SPATA17: variants seen among roughly 807,000 people sequenced by gnomAD.
SPATA17 encodes spermatogenesis-associated protein 17.
A neutral mutation model predicts 62.2 loss-of-function variants in SPATA17; 53 were observed. The ratio of observed to expected loss-of-function variants is 0.85; its 90% CI spans 0.68 to 1.07. The LOEUF is 1.07. Ranked by LOEUF, SPATA17 falls within the 50% of genes least tolerant of loss-of-function variation. The pLI, the probability that SPATA17 is intolerant of heterozygous loss-of-function variation, is 0.00. For missense variants in SPATA17, 466 were observed against 425.5 expected, an observed-to-expected ratio of 1.10 and a Z score of -0.84; for synonymous variants, 146 against 146.8, an observed-to-expected ratio of 0.99 and a Z score of 0.04.
chr1:217,717,165 A>G (rs1023137533), intron 5 of SPATA17, among the ~76,000 whole-genome samples: 6 of 152,090 alleles, frequency 3.9e-5, no homozygotes, highest in African/African-American at 7.3e-5. Flanking sequence ...TATTGAGGCT[A>G]GAAAACTAAA....
At chr1:217,784,334 C>T (rs1673803149) in intron 8 of SPATA17, among the ~76,000 whole-genome samples, 1 of 152,032 alleles carries the variant, frequency 6.6e-6, no homozygotes, top group Non-Finnish European at 1.5e-5. Flanking sequence ...CTATCTAGAC[C>T]TAGAAAGGTA....
At chr1:217,853,362 A>G (rs1381380791) in intron 9 of SPATA17, among the ~76,000 whole-genome samples, 1 of 152,212 alleles carries the variant, frequency 6.6e-6, no homozygotes, top group African/African-American at 2.4e-5. Context: ...GTTAGTGTTC[A>G]TAAAGAATTA....
chr1:217,725,697 A>G (rs1313467991), intron 5 of SPATA17, among the ~76,000 whole-genome samples: 1 of 152,176 alleles, frequency 6.6e-6, no homozygotes, highest in African/African-American at 2.4e-5. Context: ...TCCTGACCTC[A>G]AGTGATCGGC....
intron 9 of SPATA17, among the ~76,000 whole-genome samples, chr1:217,858,999 G>T (rs1043528633): frequency 5.9e-5 from 9 of 151,780 alleles, no homozygotes; most frequent in African/African-American, 2.2e-4. Context: ...CTGCACTCCA[G>T]CCTGGGTGAC....
rs139760645 is a variant in SPATA17 at position 217,845,525 on chromosome 1, C to T, written c.1006-17249C>T. 5.8e-3 allele frequency among the ~76,000 whole-genome samples: 889 copies of T among 152,150 alleles called. 7 individuals are homozygous for T. Among genetic ancestry groups the T allele is most frequent in the African/African-American group, 0.02 (840 of 41,536 alleles). ...CACAGAGACCCTGCATGTAGTGAGT[C>T]TCTGTGAGAGTGGGTTGCTTGACCT... is the stretch of plus-strand genomic sequence containing the variant. On this transcript the variant is annotated intron_variant, in intron 9 of 10. Coordinates refer to ENST00000366933, the MANE Select transcript of SPATA17 (RefSeq NM_138796.4).
At chr1:217,795,690 T>C (rs1217552872) in intron 8 of SPATA17, among the ~76,000 whole-genome samples, 1 of 152,078 alleles carries the variant, frequency 6.6e-6, no homozygotes, top group African/African-American at 2.4e-5. Flanking sequence ...ATTGACTTCA[T>C]GGAGCAAATG....
At chr1:217,669,247 C>T (rs562447212) in intron 4 of SPATA17, among the ~76,000 whole-genome samples, 164 bp downstream of exon 4, 1 of 152,148 alleles carries the variant, frequency 6.6e-6, no homozygotes, top group South Asian at 2.1e-4. Context: ...ATAATCTTGG[C>T]AGTATTAAAA....
At chr1:217,683,213 A>G (rs1418495643) in intron 4 of SPATA17, 45 bp from the exon 5 acceptor site, 4 of 1,350,330 alleles carry the variant, frequency 3.0e-6, no homozygotes, top group Non-Finnish European at 4.1e-6. Context: ...CATTTTTAAT[A>G]AAAGTGTTTA....
chr1:217,768,965 A>G (rs1267484962), intron 6 of SPATA17, among the ~76,000 whole-genome samples: 1 of 152,136 alleles, frequency 6.6e-6, no homozygotes, highest in African/African-American at 2.4e-5. Flanking sequence ...CCCGCCACTG[A>G]GAAGAGCTTG....
chr1:217,729,766 TTAAAA>T (rs1672358635), intron 5 of SPATA17, among the ~76,000 whole-genome samples: 1 of 152,208 alleles, frequency 6.6e-6, no homozygotes, highest in African/African-American at 2.4e-5. Flanking sequence ...TGTAATCACT[TTAAAA>T]TATGGAATGA....
At chr1:217,791,003 CT>C (rs1195035131) in intron 8 of SPATA17, among the ~76,000 whole-genome samples, 1 of 152,136 alleles carries the variant, frequency 6.6e-6, no homozygotes, top group Non-Finnish European at 1.5e-5. Flanking sequence ...ATTTTCTGAA[CT>C]ATTACTGTAT....
chr1:217,774,200 C>A, intron 6 of SPATA17, 134 bp from the exon 7 acceptor site: 1 of 676,960 alleles, frequency 1.5e-6, no homozygotes, highest in Non-Finnish European at 2.4e-6. Flanking sequence ...AATCTGAAGT[C>A]CACCTCTGGT....
chr1:217,633,925 T>A (rs187207706), intron 1 of SPATA17, among the ~76,000 whole-genome samples: 2 of 152,312 alleles, frequency 1.3e-5, no homozygotes, highest in East Asian at 3.9e-4. Flanking sequence ...GAGAAGCTCC[T>A]CTGCCTAACA....
intron 6 of SPATA17, among the ~76,000 whole-genome samples, chr1:217,756,862 A>G (rs946399371): frequency 1.3e-5 from 2 of 152,246 alleles, no homozygotes; most frequent in Non-Finnish European, 2.9e-5. Context: ...CTGAAACAAC[A>G]GAAATCCTGT....
chr1:217,847,761 T>C (rs1368067619), intron 9 of SPATA17, among the ~76,000 whole-genome samples: 1 of 152,120 alleles, frequency 6.6e-6, no homozygotes, highest in Non-Finnish European at 1.5e-5. Context: ...ATTAAAAATA[T>C]GACATCAGGC....
At chr1:217,760,106 G>A (rs1015047216) in intron 6 of SPATA17, among the ~76,000 whole-genome samples, 5 of 152,050 alleles carry the variant, frequency 3.3e-5, no homozygotes, top group Non-Finnish European at 2.9e-5. Flanking sequence ...TTGGTTTTTC[G>A]ATCAAAATTT....
At chr1:217,731,815 A>G (rs1558583535) in intron 5 of SPATA17, among the ~76,000 whole-genome samples, 1 of 152,198 alleles carries the variant, frequency 6.6e-6, no homozygotes, top group Non-Finnish European at 1.5e-5. Flanking sequence ...GTTAACATGT[A>G]TTTTAGATAT....
intron 5 of SPATA17, among the ~76,000 whole-genome samples, chr1:217,724,895 C>T (rs1471193797): frequency 6.6e-6 from 1 of 152,042 alleles, no homozygotes; most frequent in Non-Finnish European, 1.5e-5. Flanking sequence ...GAAACAAATC[C>T]TTTATCATCT....
chr1:217,841,137 T>G (rs943346358), intron 9 of SPATA17, among the ~76,000 whole-genome samples: 3 of 152,004 alleles, frequency 2.0e-5, no homozygotes, highest in Admixed American at 6.6e-5. Flanking sequence ...ATATTTACCA[T>G]GAAGCATCTA....
Sources: allele counts gnomAD v4.1 joint callset (sites outside exome capture counted in the v4.1 genomes callset), GRCh38; gene constraint gnomAD v4.1.1; transcripts MANE v1.5; gene names NCBI Gene and HGNC (gene_info 2026-07-23, HGNC 2026-07-21).